OCA2: variants seen among roughly 807,000 people sequenced by gnomAD.
The protein encoded by OCA2 is OCA2 melanosomal transmembrane protein.
A neutral mutation model predicts 100.2 loss-of-function variants in OCA2; 77 were observed. That is an observed-to-expected ratio of 0.77 (90% CI 0.64 to 0.93). OCA2 has a LOEUF of 0.93. Ranked by LOEUF, OCA2 falls within the 40% of genes least tolerant of loss-of-function variation. OCA2 has a pLI of 0.00. For missense variants in OCA2, 1,062 were observed against 1,089.1 expected, an observed-to-expected ratio of 0.98 and a Z score of 0.35; for synonymous variants, 432 against 439.2, an observed-to-expected ratio of 0.98 and a Z score of 0.21.
At chr15:27,849,648 A>G (rs1195720272) in intron 22 of OCA2, among the ~76,000 whole-genome samples, 1 of 152,136 alleles carries the variant, frequency 6.6e-6, no homozygotes, top group Non-Finnish European at 1.5e-5. Context: ...TGTTCCTCAG[A>G]ATGCCAGCCC....
At chr15:27,771,138 C>G (rs1020628787) in intron 23 of OCA2, among the ~76,000 whole-genome samples, 2 of 139,054 alleles carry the variant, frequency 1.4e-5, no homozygotes, top group Non-Finnish European at 3.2e-5. Context: ...TCCCTCCCTT[C>G]CTTCCCTCCC....
intron 23 of OCA2, among the ~76,000 whole-genome samples, chr15:27,827,206 A>G (rs190553338): frequency 6.6e-6 from 1 of 152,328 alleles, no homozygotes; most frequent in African/African-American, 2.4e-5. Flanking sequence ...AATTACACAA[A>G]CCAAGAAATG....
chr15:27,726,780 G>A, the OCA2 span, among the ~76,000 whole-genome samples: 2 of 152,188 alleles, frequency 1.3e-5, no homozygotes, highest in African/African-American at 4.8e-5. Context: ...AAAGAAGAAG[G>A]TGAATCCAGC....
intron 18 of OCA2, among the ~76,000 whole-genome samples, chr15:27,939,433 A>G (rs531102026): frequency 7.2e-5 from 11 of 152,344 alleles, no homozygotes; most frequent in Middle Eastern, 3.4e-3. Flanking sequence ...CCTAGATATC[A>G]TGAAGGAGTA....
intron 18 of OCA2, among the ~76,000 whole-genome samples, chr15:27,938,232 G>A (rs1293212092): frequency 6.6e-6 from 1 of 152,160 alleles, no homozygotes; most frequent in Non-Finnish European, 1.5e-5. Context: ...GGGCACGTTG[G>A]GGAGGGAAGT....
At chr15:27,986,754 T>C in intron 11 of OCA2, 111 bp from the exon 12 acceptor site, 2 of 779,768 alleles carry the variant, frequency 2.6e-6, no homozygotes, top group Non-Finnish European at 4.7e-6. Flanking sequence ...AGCCACCACA[T>C]CACCAAGCTC....
At chr15:27,735,510 G>T in the OCA2 span, among the ~76,000 whole-genome samples, 1 of 152,016 alleles carries the variant, frequency 6.6e-6, no homozygotes, top group African/African-American at 2.4e-5. Context: ...ATACAGGAAG[G>T]TCAAAGATCT....
At chr15:27,756,363 A>C (rs1233116641) in intron 23 of OCA2, among the ~76,000 whole-genome samples, 1 of 152,258 alleles carries the variant, frequency 6.6e-6, no homozygotes, top group African/African-American at 2.4e-5. Flanking sequence ...ACAGAGCTAC[A>C]ATTAAACACA....
intron 7 of OCA2, among the ~76,000 whole-genome samples, chr15:28,017,792 G>A (rs1343754683): frequency 2.6e-5 from 4 of 152,186 alleles, no homozygotes; most frequent in African/African-American, 4.8e-5. Flanking sequence ...AGAAGTCACC[G>A]TGATAATCCA....
rs1347464582 is a variant in OCA2, at chr15:27,957,586, A to G, written c.1784+2T>C. ...CAGTCTGAGCAGGACCCCGCCCGGTACCTGTGGAAGGTGTGCAGCCTCCGG... is the reference window on the plus strand; with the variant it reads ...CAGTCTGAGCAGGACCCCGCCCGGTGCCTGTGGAAGGTGTGCAGCCTCCGG... On this transcript the variant is annotated splice_donor_variant, in intron 16 of 23. Transcript: ENST00000354638. LOFTEE classifies it high-confidence loss of function. The surrounding 1 kb of genome is among the most constrained non-coding windows in gnomAD (Gnocchi z 4.3). The G allele has an allele frequency of 6.2e-7, 1 of 1,612,430 alleles. No individual in the cohort carries two copies. The highest frequency in any genetic ancestry group is 1.7e-4 in the Middle Eastern group (1 of 5,740).
intron 3 of OCA2, among the ~76,000 whole-genome samples, chr15:28,029,831 C>T (rs909458953): frequency 6.6e-6 from 1 of 152,152 alleles, no homozygotes; most frequent in South Asian, 2.1e-4. Flanking sequence ...ACATTCCTAC[C>T]ACCAATACCT....
chr15:27,835,865 G>A (rs1013596618), intron 23 of OCA2, among the ~76,000 whole-genome samples: 5 of 152,210 alleles, frequency 3.3e-5, no homozygotes, highest in African/African-American at 1.2e-4. Context: ...CCAGTACTGA[G>A]GTTGTGGGGC....
the OCA2 span, among the ~76,000 whole-genome samples, chr15:27,735,610 G>A: frequency 6.6e-6 from 1 of 152,048 alleles, no homozygotes; most frequent in Admixed American, 6.5e-5. Flanking sequence ...CCTGAAAGTA[G>A]CAAGAGTAAA....
At chr15:27,836,716 A>G (rs943959584) in intron 23 of OCA2, among the ~76,000 whole-genome samples, 7 of 152,234 alleles carry the variant, frequency 4.6e-5, no homozygotes, top group Admixed American at 4.6e-4. Flanking sequence ...ATAAATCTAC[A>G]AAGAATTTTA....
intron 21 of OCA2, among the ~76,000 whole-genome samples, chr15:27,854,677 GTTC>G (rs1394707288): frequency 6.6e-6 from 1 of 152,174 alleles, no homozygotes; most frequent in African/African-American, 2.4e-5. Flanking sequence ...TGATGTCTTC[GTTC>G]TTCGGAGGAG....
rs533022279 is a variant in OCA2 at position 27,771,430 on chromosome 15, G to A, written c.2433-15958C>T. Among the ~76,000 whole-genome samples the A allele has an allele frequency of 1.1e-4, 15 of 138,896 alleles. No individual in the cohort carries two copies. In the East Asian group the frequency reaches 2.9e-3, roughly 27 times the overall value. 91.1% of individuals were successfully genotyped at this position (138,896 alleles called of 152,430 possible). On this transcript the variant is annotated intron_variant, in intron 23 of 23. Transcript: ENST00000354638. ...TACAGCCGCGCACGGAAATCAATGG[G>A]CCGCCCCTCCGTGTGCTCCGCAGAG...
intron 4 of OCA2, among the ~76,000 whole-genome samples, chr15:28,026,130 C>G (rs2042740484): frequency 6.6e-6 from 1 of 152,170 alleles, no homozygotes; most frequent in African/African-American, 2.4e-5. Context: ...AGGTTTTTTA[C>G]AAGATTCTTC....
chr15:27,903,561 C>T (rs1283524300), intron 19 of OCA2, among the ~76,000 whole-genome samples: 2 of 152,294 alleles, frequency 1.3e-5, no homozygotes, highest in Admixed American at 6.5e-5. Context: ...GAGAAGAAAA[C>T]CCTGGAAAGT....
At chr15:27,852,684 G>T (rs1291757691) in intron 21 of OCA2, among the ~76,000 whole-genome samples, 3 of 151,018 alleles carry the variant, frequency 2.0e-5, no homozygotes, top group Non-Finnish European at 4.4e-5. Flanking sequence ...CTGACAAAGG[G>T]CTAATATCCA....
Sources: gnomAD v4.1 joint callset for allele counts (sites outside exome capture counted in the v4.1 genomes callset) on GRCh38, gnomAD v4.1.1 for gene constraint, Gnocchi (gnomAD v3.1) non-coding constraint, MANE v1.5 for transcripts, NCBI Gene and HGNC (gene_info 2026-07-23, HGNC 2026-07-21) for gene names.